Variants in HMGA2 observed in about 807,000 individuals in gnomAD.
HMGA2 encodes high mobility group AT-hook 2.
A neutral mutation model predicts 19.1 loss-of-function variants in HMGA2; 8 were observed. The ratio of observed to expected loss-of-function variants is 0.42; its 90% CI spans 0.25 to 0.76. The LOEUF is 0.76. Among genes scored for constraint, HMGA2 ranks in the 30% least tolerant of loss-of-function variants. HMGA2 has a pLI of 0.28. For missense variants in HMGA2, 109 were observed against 136.3 expected, an observed-to-expected ratio of 0.80 and a Z score of 1.00; for synonymous variants, 60 against 48.8, an observed-to-expected ratio of 1.23 and a Z score of -0.96.
chr12:65,903,264 T>G (rs919828217), intron 3 of HMGA2, among the ~76,000 whole-genome samples: 1 of 152,336 alleles, frequency 6.6e-6, no homozygotes, highest in East Asian at 1.9e-4. Flanking sequence ...CTGAAACTTG[T>G]GTCACTTCAC....
intron 3 of HMGA2, among the ~76,000 whole-genome samples, chr12:65,895,280 G>A (rs973141160): frequency 1.3e-5 from 2 of 152,020 alleles, no homozygotes; most frequent in Non-Finnish European, 2.9e-5. Context: ...ATGAGGAAAG[G>A]TATTACACTT....
chr12:65,939,558 G>A (rs886689496), intron 3 of HMGA2, among the ~76,000 whole-genome samples: 1 of 152,148 alleles, frequency 6.6e-6, no homozygotes, highest in Non-Finnish European at 1.5e-5. Flanking sequence ...GTTTCACCAT[G>A]TTGGCCAGGC....
chr12:65,959,412 T>C (rs918805094), intron 4 of HMGA2, among the ~76,000 whole-genome samples: 1 of 152,162 alleles, frequency 6.6e-6, no homozygotes, highest in African/African-American at 2.4e-5. Context: ...CCAGTAGTTA[T>C]AATAAAAATA....
chr12:65,846,347 A>G (rs1303898992), intron 3 of HMGA2, among the ~76,000 whole-genome samples: 1 of 152,210 alleles, frequency 6.6e-6, no homozygotes, highest in Non-Finnish European at 1.5e-5. Context: ...GAATGGCATC[A>G]AATCTATGCT....
At chr12:65,889,982 C>G (rs1873834756) in intron 3 of HMGA2, among the ~76,000 whole-genome samples, 1 of 152,170 alleles carries the variant, frequency 6.6e-6, no homozygotes, top group Admixed American at 6.5e-5. Context: ...CCTCCTAATT[C>G]TTACCCACTT....
rs1159882231 is a variant in HMGA2, at chr12:65,964,618, GA to G, written c.*1333del. On this transcript the variant is annotated 3_prime_UTR_variant, in exon 5 of 5. Coordinates refer to ENST00000403681, the MANE Select transcript of HMGA2 (RefSeq NM_003483.6). ...ATGCTGCTATACACAAGCAATGCAA[GA>G]AAAAAACTTACTGGGTAGGTGATTC... 3.3e-5 allele frequency: 7 copies of G among 213,810 alleles called. No homozygotes were observed. The highest frequency in any genetic ancestry group is 2.8e-4 in the East Asian group (4 of 14,046). The allele number at this position is 213,810 out of a possible 1,614,324, so 13.2% of individuals were successfully genotyped here.
At chr12:65,867,259 C>T (rs1302621686) in intron 3 of HMGA2, among the ~76,000 whole-genome samples, 1 of 152,126 alleles carries the variant, frequency 6.6e-6, no homozygotes, top group African/African-American at 2.4e-5. Context: ...GAAATCTAGC[C>T]CACTGAGACA....
intron 3 of HMGA2, among the ~76,000 whole-genome samples, chr12:65,840,960 T>G (rs971146432): frequency 3.3e-5 from 5 of 152,130 alleles, no homozygotes; most frequent in African/African-American, 1.2e-4. Flanking sequence ...CTCCATAGGT[T>G]AGAGTCCTGT....
intron 3 of HMGA2, among the ~76,000 whole-genome samples, chr12:65,935,721 G>A (rs1425389739): frequency 6.6e-6 from 1 of 152,066 alleles, no homozygotes; most frequent in African/African-American, 2.4e-5. Context: ...TTTAGAGAGT[G>A]GTAACTGTTG....
At chr12:65,827,723 T>C (rs1168219981) in intron 1 of HMGA2, among the ~76,000 whole-genome samples, 2 of 152,270 alleles carry the variant, frequency 1.3e-5, no homozygotes, top group Non-Finnish European at 2.9e-5. Context: ...ACTTTCTTTC[T>C]AGAACATGCC....
rs1331598376 is a variant in HMGA2 at position 65,825,721 on chromosome 12, C to G, written c.111+340C>G. Among the ~76,000 whole-genome samples, 3 of 152,310 alleles carry G rather than the reference C, an allele frequency of 2.0e-5. No homozygotes were observed. The highest frequency in any genetic ancestry group is 7.2e-5 in the African/African-American group (3 of 41,596). On this transcript the variant is annotated intron_variant, in intron 1 of 4. Coordinates refer to ENST00000403681, the MANE Select transcript of HMGA2 (RefSeq NM_003483.6). The surrounding 1 kb of genome is among the most constrained non-coding windows in gnomAD (Gnocchi z 4.4). ...TGGAAGCGACCGGGATCCGACAAAC[C>G]CGGGCTCGCAGGCGCTTTCCGAGTT... is the stretch of plus-strand genomic sequence containing the variant.
chr12:65,843,396 C>T lies in HMGA2; in HGVS notation c.249+4827C>T, dbSNP rs1308499003. On this transcript the variant is annotated intron_variant, in intron 3 of 4. Transcript: ENST00000403681. ...AAGTGATGTAATTTTATATATTAGTCAAACGTGAGGATTTTAGATAAGACA... is the reference window on the plus strand; with the variant it reads ...AAGTGATGTAATTTTATATATTAGTTAAACGTGAGGATTTTAGATAAGACA... The T allele has an allele frequency of 9.3e-5, 19 of 203,890 alleles. No individual in the cohort carries two copies. The East Asian group carries it at 1.4e-3, about 15-fold the overall frequency. 12.6% of individuals were successfully genotyped at this position (203,890 alleles called of 1,614,324 possible).
Position 65,838,998 on chromosome 12 carries a change from C to CTTTTTTTTTTTTTTTT in HMGA2, c.249+441_249+442insTTTTTTTTTTTTTTTT. On this transcript the variant is annotated intron_variant, in intron 3 of 4. Coordinates refer to ENST00000403681, the MANE Select transcript of HMGA2 (RefSeq NM_003483.6). ...TTTCTTTTTCTTTCTTTTTCTTTTT[C>CTTTTTTTTTTTTTTTT]TTTTTTTTTTTTGGTTTTCTCCATG... Among the ~76,000 whole-genome samples the CTTTTTTTTTTTTTTTT allele has an allele frequency of 1.8e-3, 188 of 107,048 alleles. 7 individuals are homozygous for CTTTTTTTTTTTTTTTT. The highest frequency in any genetic ancestry group is 3.9e-3 in the East Asian group (14 of 3,580). The allele number at this position is 107,048 out of a possible 152,430, so 70.2% of individuals were successfully genotyped here.
chr12:65,914,116 C>T (rs921621883), intron 3 of HMGA2, among the ~76,000 whole-genome samples: 1 of 152,036 alleles, frequency 6.6e-6, no homozygotes, highest in Non-Finnish European at 1.5e-5. Context: ...CTAGAAATAC[C>T]ATTTGACCCA....
chr12:65,842,930 C>A, intron 3 of HMGA2: 1 of 1,145,180 alleles, frequency 8.7e-7, no homozygotes, highest in East Asian at 3.8e-5. Context: ...TGTATAAAAT[C>A]CTCCATCCAG....
intron 2 of HMGA2, among the ~76,000 whole-genome samples, chr12:65,835,948 G>T (rs1209416195): frequency 6.6e-6 from 1 of 152,172 alleles, no homozygotes; most frequent in Non-Finnish European, 1.5e-5. Flanking sequence ...GATTAAGTCA[G>T]ATGCTGCTTC....
At chr12:65,931,221 G>A (rs1314839761) in intron 3 of HMGA2, among the ~76,000 whole-genome samples, 1 of 152,114 alleles carries the variant, frequency 6.6e-6, no homozygotes, top group Non-Finnish European at 1.5e-5. Flanking sequence ...TTTCATGAAA[G>A]GGACTCAAGT....
chr12:65,849,734 G>GTTTTTTTTT (rs1309933646), intron 3 of HMGA2, among the ~76,000 whole-genome samples: 20 of 102,026 alleles, frequency 2.0e-4, no homozygotes, highest in African/African-American at 9.5e-4. Context: ...GGTAGGCTCT[G>GTTTTTTTTT]TATTTTTTTT....
intron 3 of HMGA2, among the ~76,000 whole-genome samples, chr12:65,886,010 C>T (rs1447148471): frequency 6.6e-6 from 1 of 152,190 alleles, no homozygotes; most frequent in Non-Finnish European, 1.5e-5. Context: ...CTTAGTCCAG[C>T]AGCCCAAGCT....
Sources: gnomAD v4.1 joint callset for allele counts (sites outside exome capture counted in the v4.1 genomes callset) on GRCh38, gnomAD v4.1.1 for gene constraint, Gnocchi (gnomAD v3.1) non-coding constraint, MANE v1.5 for transcripts, NCBI Gene and HGNC (gene_info 2026-07-23, HGNC 2026-07-21) for gene names.